The following RBMS3 variants were observed in gnomAD, a reference collection of about 807,000 sequenced individuals.
RBMS3 encodes the protein RNA-binding motif, single-stranded-interacting protein 3.
RBMS3 carries 27 observed loss-of-function variants against 66.8 expected under a neutral mutation model. The observed-to-expected ratio is 0.40, with a 90% CI of 0.30 to 0.56. The LOEUF is 0.56. RBMS3 is among the 20% of genes least tolerant of loss of function. The pLI, the probability that RBMS3 is intolerant of heterozygous loss-of-function variation, is 0.40. For synonymous variants in RBMS3, 188 were observed against 183.0 expected (o/e 1.03, Z -0.22); for missense variants, 513 against 549.5 (o/e 0.93, Z 0.66).
rs1192273428 is a variant in RBMS3, at chr3:29,967,004, G to A, written c.1099-21139G>A. ...TGGTGTATCACACTTATTGACTTGT[G>A]TATGTTAAACCATCCCTGCATCTCT... On this transcript the variant is annotated intron_variant, in intron 12 of 14. Coordinates refer to ENST00000383767, the MANE Select transcript of RBMS3 (RefSeq NM_001003793.3). Among the ~76,000 whole-genome samples the A allele has an allele frequency of 2.6e-5, 4 of 152,174 alleles. No homozygotes were observed. In the East Asian group the frequency reaches 7.7e-4, roughly 29 times the overall value.
intron 3 of RBMS3, among the ~76,000 whole-genome samples, chr3:29,578,101 A>G (rs1402517490): frequency 6.6e-6 from 1 of 152,230 alleles, no homozygotes; most frequent in East Asian, 1.9e-4. Context: ...AATTTGTGAT[A>G]ACAGGAACTA....
chr3:29,772,117 CGGCCTTG>C (rs761075574), intron 6 of RBMS3, among the ~76,000 whole-genome samples: 1 of 151,894 alleles, frequency 6.6e-6, no homozygotes, highest in Non-Finnish European at 1.5e-5. Flanking sequence ...CCAACATTGC[CGGCCTTG>C]AAGACAGGAG....
chr3:29,945,445 T>TTTG, intron 12 of RBMS3, among the ~76,000 whole-genome samples: 1 of 151,860 alleles, frequency 6.6e-6, no homozygotes, highest in Non-Finnish European at 1.5e-5. Flanking sequence ...TTCGGTCCTC[T>TTTG]TTAAGGTCTC....
intron 4 of RBMS3, among the ~76,000 whole-genome samples, chr3:29,605,741 A>T (rs1471526149): frequency 6.6e-6 from 1 of 151,632 alleles, no homozygotes; most frequent in Non-Finnish European, 1.5e-5. Flanking sequence ...CTTTTTTAAT[A>T]TTCTCCCTAA....
intron 3 of RBMS3, among the ~76,000 whole-genome samples, chr3:29,504,021 T>A (rs1160092887): frequency 6.6e-6 from 1 of 152,132 alleles, no homozygotes; most frequent in Non-Finnish European, 1.5e-5. Context: ...AGTTTGTAGA[T>A]GATTGTGTTC....
intron 10 of RBMS3, among the ~76,000 whole-genome samples, chr3:29,914,560 T>G (rs1283164214): frequency 6.6e-6 from 1 of 151,934 alleles, no homozygotes; most frequent in Non-Finnish European, 1.5e-5. Context: ...ATGTACTAAA[T>G]TAAATGCTTG....
intron 6 of RBMS3, among the ~76,000 whole-genome samples, chr3:29,785,908 G>C (rs971111210): frequency 2.0e-5 from 3 of 152,036 alleles, no homozygotes; most frequent in Non-Finnish European, 4.4e-5. Flanking sequence ...AACTGTCACT[G>C]TTTGCTGAAG....
intron 4 of RBMS3, among the ~76,000 whole-genome samples, chr3:29,587,655 A>T (rs1323055340): frequency 2.6e-5 from 4 of 151,846 alleles, no homozygotes; most frequent in Non-Finnish European, 4.4e-5. Context: ...TGCTAAAAAA[A>T]GTGTGTGTTC....
At chr3:29,661,232 C>A (rs2050534728) in intron 4 of RBMS3, among the ~76,000 whole-genome samples, 3 of 152,314 alleles carry the variant, frequency 2.0e-5, no homozygotes, top group South Asian at 4.1e-4. Context: ...CAGATTCTAC[C>A]TGTGCAATTG....
intron 1 of RBMS3, among the ~76,000 whole-genome samples, chr3:29,360,840 G>A (rs528466488): frequency 6.6e-6 from 1 of 152,090 alleles, no homozygotes; most frequent in Non-Finnish European, 1.5e-5. Flanking sequence ...TTTGTTTAAA[G>A]TGTGTTTCAT....
intron 1 of RBMS3, among the ~76,000 whole-genome samples, chr3:29,433,661 G>A (rs1035423219): frequency 1.3e-5 from 2 of 152,042 alleles, no homozygotes; most frequent in African/African-American, 2.4e-5. Context: ...CCAGTAAGAG[G>A]CACAGCAGGG....
At chr3:29,652,495 T>G (rs2050181806) in intron 4 of RBMS3, among the ~76,000 whole-genome samples, 1 of 152,056 alleles carries the variant, frequency 6.6e-6, no homozygotes, top group Non-Finnish European at 1.5e-5. Flanking sequence ...CACAAATCAA[T>G]GGTTTTAGGC....
intron 6 of RBMS3, among the ~76,000 whole-genome samples, chr3:29,832,477 C>T (rs1394128716): frequency 7.0e-6 from 1 of 143,772 alleles, no homozygotes; most frequent in Non-Finnish European, 1.5e-5. Context: ...AAAAGGTATC[C>T]AAGGATAGAC....
intron 7 of RBMS3, among the ~76,000 whole-genome samples, chr3:29,882,761 A>T (rs1482500989): frequency 1.3e-5 from 2 of 152,100 alleles, no homozygotes; most frequent in Non-Finnish European, 2.9e-5. Flanking sequence ...CAACAAGAAA[A>T]CCATCCTCAA....
chr3:29,907,446 T>A (rs939988287), intron 10 of RBMS3, among the ~76,000 whole-genome samples: 1 of 152,120 alleles, frequency 6.6e-6, no homozygotes, highest in Non-Finnish European at 1.5e-5. Context: ...TTAATTTAGG[T>A]GTAGATGTTG....
intron 6 of RBMS3, among the ~76,000 whole-genome samples, chr3:29,856,599 C>A (rs888970781): frequency 6.6e-6 from 1 of 152,210 alleles, no homozygotes; most frequent in Non-Finnish European, 1.5e-5. Flanking sequence ...TTAGTGCTCA[C>A]TCCCAGTGGA....
chr3:29,581,570 A>T (rs960248924), intron 3 of RBMS3, among the ~76,000 whole-genome samples: 1 of 152,206 alleles, frequency 6.6e-6, no homozygotes, highest in Non-Finnish European at 1.5e-5. Flanking sequence ...CATTGTTAAC[A>T]TCTTCAACTG....
chr3:29,786,552 C>G (rs990530092), intron 6 of RBMS3, among the ~76,000 whole-genome samples: 2 of 152,056 alleles, frequency 1.3e-5, no homozygotes, highest in African/African-American at 2.4e-5. Context: ...TACTTACAAC[C>G]AACTGATCTT....
chr3:29,575,997 G>A (rs564863058), intron 3 of RBMS3, among the ~76,000 whole-genome samples: 1 of 152,116 alleles, frequency 6.6e-6, no homozygotes, highest in Admixed American at 6.5e-5. Context: ...TCCAGGATTA[G>A]TCCTTCATGC....
Sources: gnomAD v4.1 joint callset for allele counts (sites outside exome capture counted in the v4.1 genomes callset) on GRCh38, gnomAD v4.1.1 for gene constraint, MANE v1.5 for transcripts, NCBI Gene and HGNC (gene_info 2026-07-23, HGNC 2026-07-21) for gene names.